Variants in SPEF2 observed in about 807,000 individuals in gnomAD.
SPEF2 encodes the protein sperm flagella and cilia-associated protein 2.
A neutral mutation model predicts 224.6 loss-of-function variants in SPEF2; 187 were observed. The ratio of observed to expected loss-of-function variants is 0.83; its 90% CI spans 0.74 to 0.94. SPEF2 has a LOEUF of 0.94. Ranked by LOEUF, SPEF2 falls within the 40% of genes least tolerant of loss-of-function variation. SPEF2 has a pLI of 0.00. For missense variants in SPEF2, 2,170 were observed against 2,135.6 expected (o/e 1.02, Z -0.32); for synonymous variants, 715 against 707.3 (o/e 1.01, Z -0.17).
intron 26 of SPEF2, among the ~76,000 whole-genome samples, chr5:35,769,257 C>G (rs1337057391): frequency 1.3e-5 from 2 of 151,922 alleles, no homozygotes; most frequent in Non-Finnish European, 2.9e-5. Context: ...TTTGCAGGAA[C>G]CGATTAAAAA....
At chr5:35,697,564 C>T (rs991776269) in intron 14 of SPEF2, 126 bp from the exon 15 acceptor site, 5 of 696,346 alleles carry the variant, frequency 7.2e-6, no homozygotes, top group Middle Eastern at 3.3e-4. Context: ...CCCTGACTCC[C>T]GAACTGTGCC....
chr5:35,750,990 T>TAC (rs1309250440), intron 23 of SPEF2, among the ~76,000 whole-genome samples: 1 of 97,094 alleles, frequency 1.0e-5, no homozygotes, highest in Non-Finnish European at 2.2e-5. Context: ...GTGCTATATA[T>TAC]ATATATGTAT....
chr5:35,629,358 C>T (rs945319133), intron 2 of SPEF2, among the ~76,000 whole-genome samples: 33 of 151,578 alleles, frequency 2.2e-4, no homozygotes, highest in Admixed American at 1.7e-3. Flanking sequence ...GAGGTTTCAC[C>T]GTGTTAGCCA....
Position 35,618,149 on chromosome 5 carries a change from G to C in SPEF2, c.58+94G>C, listed in dbSNP as rs555708256. The C allele has an allele frequency of 2.0e-3, 2,850 of 1,391,236 alleles. 8 individuals are homozygous for C. The highest frequency in any genetic ancestry group is 2.7e-3 in the Non-Finnish European group (2,664 of 1,002,426). 86.2% of individuals were successfully genotyped at this position (1,391,236 alleles called of 1,614,324 possible). A position where few individuals can be genotyped will look rare whatever the true frequency, so the allele number is the denominator to read the frequency against. On this transcript the variant is annotated intron_variant, in intron 1 of 36. Coordinates refer to ENST00000356031, the MANE Select transcript of SPEF2 (RefSeq NM_024867.4). ...GCGCACTCAGGGAAGGTGGCGGGCAGGGCGCGAGCTGCACAGGTGGGGCAC... is the reference window on the plus strand; with the variant it reads ...GCGCACTCAGGGAAGGTGGCGGGCACGGCGCGAGCTGCACAGGTGGGGCAC...
At chr5:35,657,119 C>G (rs190578749) in intron 7 of SPEF2, among the ~76,000 whole-genome samples, 6 of 152,342 alleles carry the variant, frequency 3.9e-5, no homozygotes, top group Admixed American at 3.3e-4. Context: ...TTTTCACAAG[C>G]ATGACATAAA....
At chr5:35,807,897 C>G in intron 36 of SPEF2, 3 of 1,451,490 alleles carry the variant, frequency 2.1e-6, no homozygotes, top group Non-Finnish European at 2.7e-6. Flanking sequence ...CAGAGGCTGA[C>G]ACCAACCCCC....
intron 10 of SPEF2, chr5:35,676,051 G>A: frequency 2.2e-6 from 1 of 455,260 alleles, no homozygotes; most frequent in East Asian, 7.0e-5. Context: ...AGTTCAAGAC[G>A]TTAGACCAGA....
chr5:35,645,636 T>C lies in SPEF2; in HGVS notation c.586-1031T>C, dbSNP rs1437245573. On this transcript the variant is annotated intron_variant, in intron 4 of 36. Coordinates refer to ENST00000356031, the MANE Select transcript of SPEF2 (RefSeq NM_024867.4). ...TAGTGTTTAAGTTGAGACCAATTGC[T>C]GTGACTGTAATTTATGTGGAACCAG... 3.3e-5 allele frequency among the ~76,000 whole-genome samples: 5 copies of C among 152,322 alleles called. No individual in the cohort carries two copies. The East Asian group carries it at 9.6e-4, about 29-fold the overall frequency.
At chr5:35,706,264 G>A (rs1445047894) in intron 18 of SPEF2, among the ~76,000 whole-genome samples, 1 of 151,712 alleles carries the variant, frequency 6.6e-6, no homozygotes, top group Non-Finnish European at 1.5e-5. Flanking sequence ...GGACACACTA[G>A]GCAATTTTTT....
At chr5:35,811,796 G>C (rs144215474) in intron 36 of SPEF2, among the ~76,000 whole-genome samples, 9 of 129,196 alleles carry the variant, frequency 7.0e-5, no homozygotes, top group African/African-American at 2.6e-4. Flanking sequence ...TTGAGACAGA[G>C]TCTCGCTCTG....
intron 3 of SPEF2, chr5:35,643,599 G>C (rs1391693890): frequency 2.2e-6 from 1 of 454,730 alleles, no homozygotes. Flanking sequence ...TCTGGGGACG[G>C]AAAGAGGAAT....
chr5:35,638,238 C>T (rs936984246), intron 2 of SPEF2, among the ~76,000 whole-genome samples: 8 of 152,024 alleles, frequency 5.3e-5, no homozygotes, highest in African/African-American at 1.7e-4. Context: ...GTTTAGACTT[C>T]CCAACATGAA....
intron 14 of SPEF2, among the ~76,000 whole-genome samples, chr5:35,696,689 A>G (rs1300682452): frequency 2.6e-5 from 4 of 152,192 alleles, no homozygotes; most frequent in African/African-American, 9.6e-5. Context: ...ATAATAAACT[A>G]TGAACATAGA....
At chr5:35,642,065 C>T (rs74293081) in intron 3 of SPEF2, among the ~76,000 whole-genome samples, 14,222 of 152,068 alleles carry the variant, frequency 0.094, 782 homozygotes, top group East Asian at 0.18. Flanking sequence ...TGTGCCTGCT[C>T]CTCTCTTCCT....
chr5:35,701,335 T>C (rs1738585486), intron 16 of SPEF2, among the ~76,000 whole-genome samples: 1 of 152,178 alleles, frequency 6.6e-6, no homozygotes, highest in Admixed American at 6.5e-5. Flanking sequence ...ACATAGAAGG[T>C]ATTTGACCTT....
chr5:35,638,924 C>A (rs998304607), intron 2 of SPEF2, among the ~76,000 whole-genome samples: 1 of 152,152 alleles, frequency 6.6e-6, no homozygotes, highest in Non-Finnish European at 1.5e-5. Flanking sequence ...CTGACCAGAT[C>A]GCAGATGAGT....
intron 17 of SPEF2, 25 bp downstream of exon 17, chr5:35,704,687 C>T: frequency 7.7e-7 from 1 of 1,302,816 alleles, no homozygotes. Flanking sequence ...AAATGCTCTG[C>T]TTCTTGTTTC....
intron 20 of SPEF2, among the ~76,000 whole-genome samples, chr5:35,727,423 G>A (rs938563798): frequency 3.3e-5 from 5 of 152,164 alleles, no homozygotes; most frequent in African/African-American, 1.2e-4. Context: ...AGCAAGGACA[G>A]ATGAAAATAA....
chr5:35,699,721 C>T (rs1392450391), intron 15 of SPEF2: 1 of 152,192 alleles, frequency 6.6e-6, no homozygotes, highest in Admixed American at 6.5e-5. Context: ...TATGTTACCC[C>T]ATTGTATGAA....
Sources: allele counts gnomAD v4.1 joint callset (sites outside exome capture counted in the v4.1 genomes callset), GRCh38; gene constraint gnomAD v4.1.1; transcripts MANE v1.5; gene names NCBI Gene and HGNC (gene_info 2026-07-23, HGNC 2026-07-21).